The following SLC24A2 variants were observed in gnomAD, a reference collection of about 807,000 sequenced individuals.
The protein encoded by SLC24A2 is sodium/potassium/calcium exchanger 2.
SLC24A2 carries 36 observed loss-of-function variants against 62.0 expected under a neutral mutation model. The ratio of observed to expected loss-of-function variants is 0.58; its 90% CI spans 0.44 to 0.77. SLC24A2 has a LOEUF of 0.77. SLC24A2 is among the 30% of genes least tolerant of loss of function. The pLI, the probability that SLC24A2 is intolerant of heterozygous loss-of-function variation, is 0.00. For missense variants in SLC24A2, 846 were observed against 817.9 expected (o/e 1.03, Z -0.42); for synonymous variants, 358 against 294.0 (o/e 1.22, Z -2.23).
chr9:20,136,758 AT>A, the SLC24A2 span, among the ~76,000 whole-genome samples: 1 of 152,184 alleles, frequency 6.6e-6, no homozygotes, highest in Admixed American at 6.6e-5. Context: ...GAAACAGAGC[AT>A]CCCCTAAAAC....
At chr9:19,889,713 T>C in the SLC24A2 span, among the ~76,000 whole-genome samples, 1 of 152,222 alleles carries the variant, frequency 6.6e-6, no homozygotes, top group Non-Finnish European at 1.5e-5. Flanking sequence ...GGCCCTGGCA[T>C]CTGTCTTACT....
At chr9:19,830,269 A>G in the SLC24A2 span, among the ~76,000 whole-genome samples, 1 of 152,154 alleles carries the variant, frequency 6.6e-6, no homozygotes, top group Non-Finnish European at 1.5e-5. Flanking sequence ...TCCTTGCCCC[A>G]AGGAAAGTAA....
the SLC24A2 span, among the ~76,000 whole-genome samples, chr9:20,179,075 C>A: frequency 2.0e-5 from 3 of 152,052 alleles, no homozygotes; most frequent in South Asian, 4.1e-4. Flanking sequence ...TTACTGTGAC[C>A]CCCTCTATCC....
intron 2 of SLC24A2, among the ~76,000 whole-genome samples, chr9:19,713,805 T>C (rs1352359070): frequency 3.3e-5 from 5 of 152,152 alleles, no homozygotes; most frequent in Non-Finnish European, 4.4e-5. Context: ...GATGATTTGT[T>C]ATAATCTTTC....
intron 2 of SLC24A2, among the ~76,000 whole-genome samples, chr9:19,766,424 T>C (rs1460777769): frequency 6.6e-6 from 1 of 152,208 alleles, no homozygotes; most frequent in African/African-American, 2.4e-5. Context: ...TTTTTCCTCA[T>C]CTTCAGGGAT....
the SLC24A2 span, among the ~76,000 whole-genome samples, chr9:20,150,153 T>C: frequency 6.6e-6 from 1 of 152,050 alleles, no homozygotes; most frequent in Non-Finnish European, 1.5e-5. Context: ...CTGCAGGTCA[T>C]ATAGCTTGAA....
At chr9:19,713,362 A>G (rs1047724838) in intron 2 of SLC24A2, among the ~76,000 whole-genome samples, 1 of 152,210 alleles carries the variant, frequency 6.6e-6, no homozygotes, top group African/African-American at 2.4e-5. Context: ...ATTGGTTGTT[A>G]TATAACAATG....
At chr9:20,061,473 G>C in the SLC24A2 span, among the ~76,000 whole-genome samples, 2 of 152,078 alleles carry the variant, frequency 1.3e-5, no homozygotes, top group Admixed American at 6.6e-5. Context: ...TTTTAGTAGA[G>C]ATGGGGTTTC....
the SLC24A2 span, among the ~76,000 whole-genome samples, chr9:19,828,429 C>A: frequency 7.9e-5 from 12 of 151,982 alleles, no homozygotes; most frequent in East Asian, 5.8e-4. Context: ...ACCCATACAA[C>A]TATTATTTAC....
intron 4 of SLC24A2, among the ~76,000 whole-genome samples, chr9:19,616,545 T>C (rs1053996110): frequency 2.6e-5 from 4 of 152,146 alleles, no homozygotes; most frequent in African/African-American, 9.7e-5. Context: ...TGAGTTGGAG[T>C]AGATAAAATT....
chr9:19,939,512 A>C, the SLC24A2 span, among the ~76,000 whole-genome samples: 1 of 152,212 alleles, frequency 6.6e-6, no homozygotes, highest in African/African-American at 2.4e-5. Flanking sequence ...CAGGGCGCTT[A>C]CCACGCCTGG....
chr9:19,922,516 G>A, the SLC24A2 span, among the ~76,000 whole-genome samples: 2 of 152,142 alleles, frequency 1.3e-5, no homozygotes, highest in African/African-American at 2.4e-5. Context: ...ATTATCCTTG[G>A]GGACTGAGGG....
chr9:19,757,389 AG>A (rs1822176165), intron 2 of SLC24A2, among the ~76,000 whole-genome samples: 1 of 152,198 alleles, frequency 6.6e-6, no homozygotes, highest in South Asian at 2.1e-4. Context: ...GTTGCCAAGA[AG>A]AAAAAAAATT....
chr9:19,624,300 A>G, intron 2 of SLC24A2, among the ~76,000 whole-genome samples: 1 of 152,302 alleles, frequency 6.6e-6, no homozygotes, highest in East Asian at 1.9e-4. Flanking sequence ...AATTGATACC[A>G]CAGTGTTGAC....
chr9:19,561,929 T>C (rs966330700), intron 7 of SLC24A2, among the ~76,000 whole-genome samples: 10 of 152,204 alleles, frequency 6.6e-5, no homozygotes, highest in Non-Finnish European at 1.5e-4. Context: ...GACAAGACTC[T>C]GAACTGAAAT....
intron 10 of SLC24A2, among the ~76,000 whole-genome samples, chr9:19,520,607 T>G (rs1833148429): frequency 6.6e-6 from 1 of 152,108 alleles, no homozygotes; most frequent in African/African-American, 2.4e-5. Flanking sequence ...CAGTTCCACT[T>G]GAATGTTGTT....
At chr9:20,197,719 G>A in the SLC24A2 span, among the ~76,000 whole-genome samples, 9 of 152,084 alleles carry the variant, frequency 5.9e-5, no homozygotes, top group East Asian at 1.9e-4. Flanking sequence ...GGCATGAGCC[G>A]AGCCAGGCCA....
the SLC24A2 span, among the ~76,000 whole-genome samples, chr9:20,091,348 T>C: frequency 6.6e-6 from 1 of 152,180 alleles, no homozygotes; most frequent in South Asian, 2.1e-4. Flanking sequence ...ATTCAGGAAA[T>C]ACAGGGAACC....
At chr9:20,158,063 A>G in the SLC24A2 span, among the ~76,000 whole-genome samples, 3 of 151,728 alleles carry the variant, frequency 2.0e-5, no homozygotes, top group Non-Finnish European at 4.4e-5. Flanking sequence ...AATATTCTTA[A>G]GCAACCATTT....
Sources: allele counts gnomAD v4.1 joint callset (sites outside exome capture counted in the v4.1 genomes callset), GRCh38; gene constraint gnomAD v4.1.1; transcripts MANE v1.5; gene names NCBI Gene and HGNC (gene_info 2026-07-23, HGNC 2026-07-21).